CECR2: variants seen among roughly 807,000 people sequenced by gnomAD.
The protein encoded by CECR2 is CECR2 histone acetyl-lysine reader.
CECR2 carries 30 observed loss-of-function variants against 154.5 expected under a neutral mutation model. The observed-to-expected ratio is 0.19, with a 90% CI of 0.15 to 0.26. The LOEUF (loss-of-function observed/expected upper bound fraction) is 0.26, where lower values mean the gene tolerates loss of function less well. Among genes scored for constraint, CECR2 ranks in the 10% least tolerant of loss-of-function variants. The pLI is 1.00. For synonymous variants in CECR2, 725 were observed against 683.7 expected (o/e 1.06, Z -0.94); for missense variants, 1,743 against 1,829.3 (o/e 0.95, Z 0.86).
intron 2 of CECR2, among the ~76,000 whole-genome samples, chr22:17,491,654 A>G (rs1036246837): frequency 6.6e-6 from 1 of 151,704 alleles, no homozygotes; most frequent in Non-Finnish European, 1.5e-5. Context: ...GCTATTCAGA[A>G]TTTTTATTGT....
intron 13 of CECR2, among the ~76,000 whole-genome samples, chr22:17,540,011 G>A (rs2056496971): frequency 6.6e-6 from 1 of 152,008 alleles, no homozygotes; most frequent in Non-Finnish European, 1.5e-5. Context: ...TTTTCTTTTT[G>A]GTAGGGACGG....
chr22:17,523,010 G>A (rs368215473), intron 8 of CECR2, among the ~76,000 whole-genome samples: 12,344 of 146,068 alleles, frequency 0.085, 607 homozygotes, highest in South Asian at 0.16. Flanking sequence ...ATCTCGGGGG[G>A]AAAAAAAAAA....
intron 16 of CECR2, among the ~76,000 whole-genome samples, 181 bp from the exon 17 acceptor site, chr22:17,547,967 G>A (rs174342): frequency 0.026 from 3,909 of 152,218 alleles, 69 homozygotes; most frequent in Middle Eastern, 0.044. Context: ...CCGTGAAAGG[G>A]GTGAAAGGAA....
chr22:17,514,652 A>G (rs1283742159), intron 8 of CECR2, among the ~76,000 whole-genome samples: 3 of 152,178 alleles, frequency 2.0e-5, no homozygotes, highest in Non-Finnish European at 4.4e-5. Context: ...CACTACAAAA[A>G]GTGAGTCCTG....
At chr22:17,545,620 G>A (rs2056601819) in intron 16 of CECR2, among the ~76,000 whole-genome samples, 1 of 151,684 alleles carries the variant, frequency 6.6e-6, no homozygotes, top group African/African-American at 2.4e-5. Flanking sequence ...CACAGTGGGT[G>A]GATCATGAGG....
At chr22:17,513,029 C>T (rs1375260875) in intron 8 of CECR2, among the ~76,000 whole-genome samples, 1 of 152,082 alleles carries the variant, frequency 6.6e-6, no homozygotes, top group Non-Finnish European at 1.5e-5. Flanking sequence ...ATATTTGGTG[C>T]AACCACTAAT....
intron 2 of CECR2, among the ~76,000 whole-genome samples, chr22:17,487,905 G>A (rs866078919): frequency 7.3e-5 from 11 of 150,912 alleles, no homozygotes; most frequent in African/African-American, 2.4e-4. Context: ...TATTTTGAGA[G>A]AAGTCTCGCT....
chr22:17,462,314 T>A (rs1043664899), intron 1 of CECR2, among the ~76,000 whole-genome samples: 1 of 151,642 alleles, frequency 6.6e-6, no homozygotes, highest in Non-Finnish European at 1.5e-5. Context: ...TGAGCAAAGA[T>A]CGTGCCACTG....
At chr22:17,440,081 CA>C (rs917508912) in intron 1 of CECR2, among the ~76,000 whole-genome samples, 21 of 140,566 alleles carry the variant, frequency 1.5e-4, no homozygotes, top group Admixed American at 1.0e-3. Context: ...AAAAAAAAAA[CA>C]AAAAAAGTAT....
chr22:17,479,401 A>C (rs1601425821), intron 2 of CECR2, among the ~76,000 whole-genome samples: 2 of 152,204 alleles, frequency 1.3e-5, no homozygotes, highest in South Asian at 4.1e-4. Context: ...GAGGTCCATG[A>C]ATCATTACAG....
Position 17,542,326 on chromosome 22 carries a change from A to G in CECR2, c.2183A>G (p.Gln728Arg), listed in dbSNP as rs764536216. The G allele has an allele frequency of 1.2e-6, 2 of 1,613,304 alleles. No homozygotes were observed. The highest frequency in any genetic ancestry group is 2.2e-5 in the East Asian group (1 of 44,842). Residue 728 changes from glutamine (Q) to arginine (R), a missense_variant, in exon 16 of 19, where the codon CAG becomes CGG. By Grantham distance (43) the Gln-to-Arg change is conservative (BLOSUM62 1). Coordinates refer to ENST00000262608, the MANE Select transcript of CECR2 (RefSeq NM_001290047.2). ...GATGGAAGCATGTATGCTCCAGCTC[A>G]GTTCCAGCCAGGATTCATTCCTCCC... is the stretch of plus-strand genomic sequence containing the variant. ...SQDGSMYAPA[Q>R]FQPGFIPPRH...
At chr22:17,510,121 T>C in intron 7 of CECR2, among the ~76,000 whole-genome samples, 1 of 152,188 alleles carries the variant, frequency 6.6e-6, no homozygotes, top group East Asian at 1.9e-4. Context: ...GATGCGGCGA[T>C]GGGAAAGTGC....
At chr22:17,543,062 C>T (rs1170292887) in intron 16 of CECR2, 59 bp downstream of exon 16, 12 of 1,493,742 alleles carry the variant, frequency 8.0e-6, no homozygotes, top group Non-Finnish European at 9.9e-6. Context: ...AATCTTTTTA[C>T]ACAGCATATC....
rs199740802 is a variant in CECR2, at chr22:17,491,579, GT to G, written c.222-5823del. ...TTGGCTTCTTATTCTGTGTGTGTGT[GT>G]GTGGGGGGGTGGGTGTTTAGCAGTC... is the stretch of plus-strand genomic sequence containing the variant. On this transcript the variant is annotated intron_variant, in intron 2 of 18. Transcript: ENST00000262608. 3.8e-3 allele frequency among the ~76,000 whole-genome samples: 375 copies of G among 99,176 alleles called. 6 individuals are homozygous for G. Among genetic ancestry groups the G allele is most frequent in the Non-Finnish European group, 5.9e-3 (258 of 43,934 alleles). The allele number at this position is 99,176 out of a possible 152,430, so 65.1% of individuals were successfully genotyped here.
intron 1 of CECR2, among the ~76,000 whole-genome samples, chr22:17,435,924 GTTTC>G (rs1418796302): frequency 1.3e-5 from 2 of 151,964 alleles, no homozygotes; most frequent in Non-Finnish European, 2.9e-5. Flanking sequence ...TGAAACTTTA[GTTTC>G]TTTCTTTTCT....
chr22:17,434,636 A>G (rs1296047244), intron 1 of CECR2, among the ~76,000 whole-genome samples: 1 of 135,174 alleles, frequency 7.4e-6, no homozygotes, highest in African/African-American at 2.7e-5. Context: ...CACTCTTTTT[A>G]TGCCCGCACC....
rs2056753919 is a variant in CECR2, at chr22:17,554,651, A to T, written c.*1811A>T. The T allele has an allele frequency of 2.0e-5, 3 of 152,238 alleles. No individual in the cohort carries two copies. 9.4% of individuals were successfully genotyped at this position (152,238 alleles called of 1,614,324 possible). A position where few individuals can be genotyped will look rare whatever the true frequency, so the allele number is the denominator to read the frequency against. On this transcript the variant is annotated 3_prime_UTR_variant, in exon 19 of 19. Transcript: ENST00000262608. Reference sequence around the variant, plus strand: ...CACAGGTGCCTCTAAGGTATAATGCACAAAAATACAGATTTTCTCTCAGAG... The same window carrying T: ...CACAGGTGCCTCTAAGGTATAATGCTCAAAAATACAGATTTTCTCTCAGAG...
chr22:17,441,783 ATTGT>A (rs1348082131), intron 1 of CECR2, among the ~76,000 whole-genome samples: 7 of 152,232 alleles, frequency 4.6e-5, no homozygotes, highest in Admixed American at 4.6e-4. Flanking sequence ...ATGATAAATA[ATTGT>A]TTGGCTAAAG....
intron 1 of CECR2, among the ~76,000 whole-genome samples, chr22:17,414,104 C>G (rs960867098): frequency 6.6e-6 from 1 of 152,022 alleles, no homozygotes; most frequent in African/African-American, 2.4e-5. Flanking sequence ...TTCTGAGTAG[C>G]TGGGACTACA....
Sources: allele counts gnomAD v4.1 joint callset (sites outside exome capture counted in the v4.1 genomes callset), GRCh38; gene constraint gnomAD v4.1.1; transcripts MANE v1.5; gene names NCBI Gene and HGNC (gene_info 2026-07-23, HGNC 2026-07-21).